Variants in ST6GAL1 observed in about 807,000 individuals in gnomAD.
ST6GAL1 encodes ST6 beta-galactoside alpha-2,6-sialyltransferase 1.
ST6GAL1 carries 20 observed loss-of-function variants against 38.0 expected under a neutral mutation model. That is an observed-to-expected ratio of 0.53 (90% confidence interval 0.37 to 0.77). ST6GAL1 has a LOEUF of 0.77. Ranked by LOEUF, ST6GAL1 falls within the 30% of genes least tolerant of loss-of-function variation. The pLI, the probability that ST6GAL1 is intolerant of heterozygous loss-of-function variation, is 0.00. For missense variants in ST6GAL1, 432 were observed against 496.4 expected (o/e 0.87, Z 1.23); for synonymous variants, 196 against 188.2 (o/e 1.04, Z -0.34).
intron 2 of ST6GAL1, among the ~76,000 whole-genome samples, chr3:187,008,318 AAG>A (rs1036316151): frequency 7.2e-5 from 11 of 151,940 alleles, no homozygotes; most frequent in Admixed American, 2.6e-4. Context: ...GAAGGAAGAA[AAG>A]AGAAGAAAGG....
chr3:186,990,619 C>A (rs905405920), intron 2 of ST6GAL1, among the ~76,000 whole-genome samples: 28 of 151,698 alleles, frequency 1.8e-4, no homozygotes, highest in Non-Finnish European at 1.9e-4. Flanking sequence ...CCATCCCTCC[C>A]TCTTAGACCA....
At chr3:187,009,568 G>A (rs1269557292) in intron 2 of ST6GAL1, among the ~76,000 whole-genome samples, 2 of 152,198 alleles carry the variant, frequency 1.3e-5, no homozygotes, top group African/African-American at 4.8e-5. Context: ...GGAGCTCAAG[G>A]CTGCAGTGAG....
chr3:187,001,182 TC>T lies in ST6GAL1; in HGVS notation c.-183+37258del, dbSNP rs560467448. On this transcript the variant is annotated intron_variant, in intron 2 of 7. Transcript: ENST00000169298. ...ACAGAAGCGAGGTAGAACTCAGTGTTCCTACCCGAACCCTGGACATTCTGAA... is the reference window on the plus strand; with the variant it reads ...ACAGAAGCGAGGTAGAACTCAGTGTTCTACCCGAACCCTGGACATTCTGAA... Among the ~76,000 whole-genome samples, 124 of 152,294 alleles carry T rather than the reference TC, an allele frequency of 8.1e-4. 1 individual carries two copies. In the South Asian group the frequency reaches 0.024, roughly 30 times the overall value.
chr3:186,978,384 T>C (rs982841509), intron 2 of ST6GAL1, among the ~76,000 whole-genome samples: 8 of 152,008 alleles, frequency 5.3e-5, no homozygotes, highest in African/African-American at 7.2e-5. Flanking sequence ...TTTCTCTGAC[T>C]CCTCCTCAGT....
At chr3:186,963,978 T>G (rs1715013061) in intron 2 of ST6GAL1, 52 bp downstream of exon 2, 2 of 152,478 alleles carry the variant, frequency 1.3e-5, no homozygotes, top group Admixed American at 6.5e-5. Context: ...ATGCCTTTTT[T>G]GCAGGGGCAG....
At chr3:187,032,133 C>G (rs1026935923) in intron 2 of ST6GAL1, among the ~76,000 whole-genome samples, 2 of 152,188 alleles carry the variant, frequency 1.3e-5, no homozygotes, top group Non-Finnish European at 2.9e-5. Context: ...TATGATAAAT[C>G]TAGATAGTTG....
At chr3:187,039,269 C>A (rs539096382) in intron 3 of ST6GAL1, among the ~76,000 whole-genome samples, 1 of 152,256 alleles carries the variant, frequency 6.6e-6, no homozygotes, top group Admixed American at 6.5e-5. Flanking sequence ...TGATGCAAGT[C>A]GCTGTGTTCT....
chr3:187,050,714 C>A (rs1341360352), intron 4 of ST6GAL1, among the ~76,000 whole-genome samples: 1 of 151,956 alleles, frequency 6.6e-6, no homozygotes, highest in Non-Finnish European at 1.5e-5. Context: ...GCCTCAGGTT[C>A]CTAAATGGAA....
intron 1 of ST6GAL1, among the ~76,000 whole-genome samples, chr3:186,932,919 C>T (rs986923607): frequency 6.6e-6 from 1 of 152,166 alleles, no homozygotes; most frequent in Non-Finnish European, 1.5e-5. Flanking sequence ...TGTTTCTTTT[C>T]CTTAGAGTTT....
At position 187,075,988 on chromosome 3, in the gene ST6GAL1, CCAGA is replaced by C. The variant is rs1560188007; in HGVS notation, c.*189_*192del. 1 of 865,622 alleles carries C rather than the reference CCAGA, an allele frequency of 1.2e-6. No individual in the cohort carries two copies. Among genetic ancestry groups the C allele is most frequent in the Non-Finnish European group, 1.7e-6 (1 of 582,978 alleles). The allele number at this position is 865,622 out of a possible 1,614,324, so 53.6% of individuals were successfully genotyped here. A position where few individuals can be genotyped will look rare whatever the true frequency, so the allele number is the denominator to read the frequency against. ...AAATCAGGTCCAGCCTTCCCTGTAG[CCAGA>C]CAGTTTATGAGCCCAGAGCCTCCTG... is the stretch of plus-strand genomic sequence containing the variant. On this transcript the variant is annotated 3_prime_UTR_variant, in exon 8 of 8. Coordinates refer to ENST00000169298, the MANE Select transcript of ST6GAL1 (RefSeq NM_173216.2). The surrounding 1 kb of genome is among the most constrained non-coding windows in gnomAD (Gnocchi z 4.1).
At chr3:187,041,301 C>T (rs1318358517) in intron 3 of ST6GAL1, among the ~76,000 whole-genome samples, 2 of 152,176 alleles carry the variant, frequency 1.3e-5, no homozygotes, top group Admixed American at 1.3e-4. Flanking sequence ...ACTCCTACTA[C>T]CTTTTCCTGA....
intron 2 of ST6GAL1, among the ~76,000 whole-genome samples, chr3:186,982,806 C>T (rs1185774455): frequency 2.1e-5 from 3 of 141,188 alleles, no homozygotes; most frequent in Non-Finnish European, 4.6e-5. Flanking sequence ...TTCAGCCTCC[C>T]AAGTAGCTGG....
chr3:187,030,085 G>A (rs1037782626), intron 2 of ST6GAL1, among the ~76,000 whole-genome samples: 1 of 152,212 alleles, frequency 6.6e-6, no homozygotes, highest in South Asian at 2.1e-4. Context: ...AAAGGACTGT[G>A]AGGCCAGAGG....
intron 1 of ST6GAL1, among the ~76,000 whole-genome samples, chr3:186,944,672 C>T (rs563509018): frequency 1.3e-5 from 2 of 152,240 alleles, no homozygotes; most frequent in Admixed American, 6.5e-5. Flanking sequence ...AATGAAATTG[C>T]TAACAGAGAA....
intron 5 of ST6GAL1, among the ~76,000 whole-genome samples, chr3:187,062,573 G>GACACACACACACACAC (rs1718955430): frequency 2.0e-5 from 1 of 50,896 alleles, no homozygotes; most frequent in Admixed American, 1.8e-4. Flanking sequence ...AAATAAGCCA[G>GACACACACACACACAC]TCACACACAC....
chr3:187,006,785 T>G (rs2108556106), intron 2 of ST6GAL1, among the ~76,000 whole-genome samples: 1 of 152,350 alleles, frequency 6.6e-6, no homozygotes, highest in Admixed American at 6.5e-5. Context: ...AGTCATCTCC[T>G]TAGACTCAGA....
chr3:187,037,727 C>A (rs1717978078), intron 2 of ST6GAL1, among the ~76,000 whole-genome samples: 1 of 152,000 alleles, frequency 6.6e-6, no homozygotes, highest in Non-Finnish European at 1.5e-5. Context: ...TACAGGCATG[C>A]ACGCCTGGCT....
chr3:187,003,083 G>A lies in ST6GAL1; in HGVS notation c.-182-35659G>A, dbSNP rs1345442178. Among the ~76,000 whole-genome samples, 3 of 152,158 alleles carry A rather than the reference G, an allele frequency of 2.0e-5. No individual in the cohort carries two copies. The East Asian group carries it at 5.8e-4, about 29-fold the overall frequency. Reference sequence around the variant, plus strand: ...TGAGTCCAAAGGCCTGAGAACCAGGGAAAGCCAATGGCGTAGTTCTAGTGC... The same window carrying A: ...TGAGTCCAAAGGCCTGAGAACCAGGAAAAGCCAATGGCGTAGTTCTAGTGC... On this transcript the variant is annotated intron_variant, in intron 2 of 7. Transcript: ENST00000169298.
chr3:187,043,071 A>G lies in ST6GAL1; in HGVS notation c.368A>G (p.Lys123Arg), dbSNP rs774799258. 6 of 1,614,140 alleles carry G rather than the reference A, an allele frequency of 3.7e-6. No individual in the cohort carries two copies. Among genetic ancestry groups the G allele is most frequent in the Non-Finnish European group, 5.1e-6 (6 of 1,180,020 alleles). Residue 123 changes from lysine (K) to arginine (R), a missense_variant, in exon 4 of 8, where the codon AAA becomes AGA. Lys to Arg is a conservative substitution (Grantham distance 26, BLOSUM62 2). Transcript: ENST00000169298. ...AATTACCTAAGCATGAACAAGTACA[A>G]AGTGTCCTACAAGGGGCCAGGACCA... ...WKNYLSMNKYKVSYKGPGPGI... is the reference protein window; with the variant it reads ...WKNYLSMNKYRVSYKGPGPGI...
Sources: gnomAD v4.1 joint callset for allele counts (sites outside exome capture counted in the v4.1 genomes callset) on GRCh38, gnomAD v4.1.1 for gene constraint, Gnocchi (gnomAD v3.1) non-coding constraint, MANE v1.5 for transcripts, NCBI Gene and HGNC (gene_info 2026-07-23, HGNC 2026-07-21) for gene names.